The following SPON1 variants were observed in gnomAD, a reference collection of about 807,000 sequenced individuals.
The protein encoded by SPON1 is spondin 1.
A neutral mutation model predicts 111.7 loss-of-function variants in SPON1; 52 were observed. The ratio of observed to expected loss-of-function variants is 0.47; its 90% confidence interval spans 0.37 to 0.59. SPON1 has a LOEUF of 0.59. SPON1 is among the 20% of genes least tolerant of loss of function. SPON1 has a pLI of 0.00. For missense variants in SPON1, 957 were observed against 1,068.5 expected (o/e 0.90, Z 1.46); for synonymous variants, 410 against 395.8 (o/e 1.04, Z -0.43).
chr11:14,129,407 A>G (rs368960356), intron 5 of SPON1, among the ~76,000 whole-genome samples: 93 of 152,318 alleles, frequency 6.1e-4, no homozygotes, highest in African/African-American at 2.0e-3. Flanking sequence ...GAGCAGAAGA[A>G]AAATGCTGCC....
chr11:14,200,814 TAAAAAAAAAAAAAAAA>T (rs572814576), intron 6 of SPON1, among the ~76,000 whole-genome samples: 8 of 79,346 alleles, frequency 1.0e-4, no homozygotes, highest in South Asian at 4.9e-4. Flanking sequence ...GACCCTGTCT[TAAAAAAAAAAAAAAAA>T]AAAAAAAAAA....
At chr11:14,251,084 G>A (rs1364074271) in intron 7 of SPON1, among the ~76,000 whole-genome samples, 1 of 152,176 alleles carries the variant, frequency 6.6e-6, no homozygotes, top group Non-Finnish European at 1.5e-5. Context: ...AGCATGCTAT[G>A]GGGAGGTAGA....
chr11:14,157,426 A>G (rs1436297058), intron 6 of SPON1, among the ~76,000 whole-genome samples: 1 of 152,152 alleles, frequency 6.6e-6, no homozygotes, highest in Non-Finnish European at 1.5e-5. Flanking sequence ...GCTTGTTAGA[A>G]AATAACATGT....
Position 14,098,457 on chromosome 11 carries a change from A to T in SPON1, c.676+18436A>T, listed in dbSNP as rs1297956720. 2.6e-5 allele frequency among the ~76,000 whole-genome samples: 4 copies of T among 152,186 alleles called. No homozygotes were observed. The East Asian group carries it at 5.8e-4, about 22-fold the overall frequency. ...GTTTGTTTTTTCCTTCCTTTAGTAC[A>T]CATGTGTAATTATAAACTATTCACA... On this transcript the variant is annotated intron_variant, in intron 5 of 15. Transcript: ENST00000576479.
In SPON1 at chr11:14,160,739, A is replaced by ATATATATTTATAT. The variant is rs1333343096; in HGVS notation, c.825+25171_825+25172insTATATATTTATAT. Among the ~76,000 whole-genome samples, 2 of 25,290 alleles carry ATATATATTTATAT rather than the reference A, an allele frequency of 7.9e-5. 1 individual carries two copies. The highest frequency in any genetic ancestry group is 2.7e-4 in the African/African-American group (2 of 7,416). The allele number at this position is 25,290 out of a possible 152,430, so 16.6% of individuals were successfully genotyped here. On this transcript the variant is annotated intron_variant, in intron 6 of 15. Coordinates refer to ENST00000576479, the MANE Select transcript of SPON1 (RefSeq NM_006108.4). ...TATATTTATATATTTATATATATTT[A>ATATATATTTATAT]ATTTATATATATTTATATATATTTA...
chr11:14,060,669 G>A (rs532039925), intron 3 of SPON1, among the ~76,000 whole-genome samples: 3 of 152,174 alleles, frequency 2.0e-5, no homozygotes, highest in Non-Finnish European at 4.4e-5. Context: ...TGGAATTAGG[G>A]CACCCAAATG....
Position 14,041,516 on chromosome 11 carries a change from C to T in SPON1, c.346-5C>T, listed in dbSNP as rs373304424. 91 of 1,613,402 alleles carry T rather than the reference C, an allele frequency of 5.6e-5. No individual in the cohort carries two copies. In the Middle Eastern group the frequency reaches 6.6e-4, roughly 12 times the overall value. ...ATGTATTTATTTCCCACTGGTTTTC[C>T]GTAGATCATAGACGAAGAAGAAACT... On this transcript the variant is annotated splice_region_variant and splice_polypyrimidine_tract_variant and intron_variant, in intron 2 of 15. Transcript: ENST00000576479.
Position 14,259,618 on chromosome 11 carries a change from G to A in SPON1, c.1748G>A (p.Arg583His), listed in dbSNP as rs868971848. ...GGCATGGGCATGAAGAAGCGGCACC[G>A]CATGATCAAGATGAACCCCGCAGAT... Reference protein sequence around the residue: ...TCGMGMKKRHRMIKMNPADGS... With the variant: ...TCGMGMKKRHHMIKMNPADGS... The change falls in exon 13 of 16, where the codon CGC becomes CAC. Residue 583 changes from arginine to histidine, a missense_variant. Transcript: ENST00000576479. This position sits in a 1 kb window ranked among gnomAD's most constrained non-coding sequence, Gnocchi z 5.0. The A allele has an allele frequency of 7.7e-6, 12 of 1,559,788 alleles. No individual in the cohort carries two copies. Among genetic ancestry groups the A allele is most frequent in the South Asian group, 1.2e-5 (1 of 84,436 alleles).
chr11:13,968,843 C>G (rs1164942027), intron 1 of SPON1, among the ~76,000 whole-genome samples: 4 of 152,162 alleles, frequency 2.6e-5, no homozygotes, highest in Non-Finnish European at 5.9e-5. Flanking sequence ...TGTGGTCATA[C>G]CTAGCTGCAA....
intron 7 of SPON1, among the ~76,000 whole-genome samples, chr11:14,244,662 C>T (rs1554940047): frequency 2.0e-5 from 3 of 151,260 alleles, no homozygotes; most frequent in Non-Finnish European, 4.4e-5. Context: ...GTAGGAGCAT[C>T]GCCCGGGTCC....
intron 14 of SPON1, among the ~76,000 whole-genome samples, chr11:14,261,638 T>G (rs1366032299): frequency 6.6e-6 from 1 of 152,088 alleles, no homozygotes; most frequent in Non-Finnish European, 1.5e-5. Flanking sequence ...CAGCCATGGG[T>G]GGAGGTAACT....
intron 2 of SPON1, among the ~76,000 whole-genome samples, chr11:14,034,203 T>C (rs782288212): frequency 1.3e-5 from 2 of 152,116 alleles, no homozygotes; most frequent in Non-Finnish European, 2.9e-5. Context: ...TTGTTGAAAA[T>C]TTAGAAAACA....
chr11:14,100,765 A>G (rs1267585484), intron 5 of SPON1, among the ~76,000 whole-genome samples: 1 of 152,174 alleles, frequency 6.6e-6, no homozygotes, highest in African/African-American at 2.4e-5. Context: ...ACTATTTTCT[A>G]CAAGAGTATT....
At chr11:14,184,910 C>T (rs1162469058) in intron 6 of SPON1, among the ~76,000 whole-genome samples, 2 of 152,216 alleles carry the variant, frequency 1.3e-5, no homozygotes, top group Admixed American at 1.3e-4. Flanking sequence ...CATCCTTGAG[C>T]CCTCAGATTC....
intron 5 of SPON1, among the ~76,000 whole-genome samples, chr11:14,119,779 G>A (rs782766302): frequency 2.0e-5 from 3 of 152,078 alleles, no homozygotes; most frequent in Non-Finnish European, 4.4e-5. Flanking sequence ...CCATCCCCTT[G>A]TGACAGAAAG....
At chr11:14,164,043 A>G (rs556986509) in intron 6 of SPON1, among the ~76,000 whole-genome samples, 1 of 152,334 alleles carries the variant, frequency 6.6e-6, no homozygotes, top group Non-Finnish European at 1.5e-5. Context: ...ACTAAGTATC[A>G]TGACTTCTGG....
intron 3 of SPON1, among the ~76,000 whole-genome samples, chr11:14,062,376 G>A (rs1554919960): frequency 6.6e-6 from 1 of 152,116 alleles, no homozygotes; most frequent in Non-Finnish European, 1.5e-5. Context: ...AATATTTATG[G>A]ATCAAGAAAC....
chr11:14,021,410 A>G (rs1201498882), intron 2 of SPON1, among the ~76,000 whole-genome samples: 2 of 152,172 alleles, frequency 1.3e-5, no homozygotes, highest in Non-Finnish European at 2.9e-5. Flanking sequence ...GGCTGCAGAA[A>G]TGAAGCAGAA....
chr11:14,167,340 A>G lies in SPON1; in HGVS notation c.825+31772A>G, dbSNP rs142405063. 5.7e-4 allele frequency among the ~76,000 whole-genome samples: 87 copies of G among 152,230 alleles called. 2 individuals carry two copies. The East Asian group carries it at 0.016, about 29-fold the overall frequency. On this transcript the variant is annotated intron_variant, in intron 6 of 15. Coordinates refer to ENST00000576479, the MANE Select transcript of SPON1 (RefSeq NM_006108.4). ...ACACTGGATATCACAAAATAGAATC[A>G]CAGGTCATCATAAGTCATTCATTTG...
Sources: allele counts gnomAD v4.1 joint callset (sites outside exome capture counted in the v4.1 genomes callset), GRCh38; gene constraint gnomAD v4.1.1; non-coding constraint Gnocchi (gnomAD v3.1); transcripts MANE v1.5; gene names NCBI Gene and HGNC (gene_info 2026-07-23, HGNC 2026-07-21).